Variants in FIP1L1 observed in about 807,000 individuals in gnomAD.
The protein encoded by FIP1L1 is factor interacting with PAPOLA and CPSF1, also known as pre-mRNA 3'-end-processing factor FIP1.
A neutral mutation model predicts 84.6 loss-of-function variants in FIP1L1; 21 were observed. The observed-to-expected ratio is 0.25, with a 90% CI of 0.18 to 0.36. The LOEUF is 0.36. Ranked by LOEUF, FIP1L1 falls within the 10% of genes least tolerant of loss-of-function variation. The probability of loss-of-function intolerance (pLI) is 1.00; values close to 1 mark genes in which losing one functional copy is unlikely to be tolerated. For synonymous variants in FIP1L1, 263 were observed against 242.3 expected (o/e 1.09, Z -0.80); for missense variants, 526 against 751.1 (o/e 0.70, Z 3.50).
At chr4:53,429,777 C>T (rs1765772582) in intron 13 of FIP1L1, among the ~76,000 whole-genome samples, 1 of 152,044 alleles carries the variant, frequency 6.6e-6, no homozygotes, top group African/African-American at 2.4e-5. Flanking sequence ...ATATATTCAT[C>T]ACCTCACATA....
intron 9 of FIP1L1, 22 bp from the exon 10 acceptor site, chr4:53,399,708 C>G: frequency 1.3e-6 from 2 of 1,508,416 alleles, no homozygotes; most frequent in Non-Finnish European, 1.8e-6. Flanking sequence ...ATTCAACAAG[C>G]TAATAACCTT....
At chr4:53,422,979 G>A (rs565028572) in intron 11 of FIP1L1, among the ~76,000 whole-genome samples, 2 of 152,228 alleles carry the variant, frequency 1.3e-5, no homozygotes, top group African/African-American at 4.8e-5. Context: ...GGCTCCCAAA[G>A]TGTTGGCATT....
intron 10 of FIP1L1, among the ~76,000 whole-genome samples, chr4:53,407,051 G>C (rs1341186512): frequency 1.3e-5 from 2 of 152,104 alleles, no homozygotes; most frequent in African/African-American, 4.8e-5. Context: ...CCTTCTGCTA[G>C]TTTTTGAATG....
intron 10 of FIP1L1, among the ~76,000 whole-genome samples, chr4:53,404,013 T>TTA (rs1354530418): frequency 1.3e-5 from 2 of 151,236 alleles, no homozygotes; most frequent in Non-Finnish European, 3.0e-5. Context: ...AAATGCACTT[T>TTA]TTTTTTTTTA....
intron 15 of FIP1L1, among the ~76,000 whole-genome samples, chr4:53,446,835 T>G (rs997470700): frequency 9.2e-5 from 14 of 152,188 alleles, no homozygotes; most frequent in African/African-American, 3.1e-4. Context: ...AATGCTAACT[T>G]GGTATTTAAC....
At position 53,460,645 on chromosome 4, in the gene FIP1L1, G is replaced by C. The variant is rs1334025255; in HGVS notation, c.*1196G>C. 3 of 352,962 alleles carry C rather than the reference G, an allele frequency of 8.5e-6. No individual in the cohort carries two copies. Among genetic ancestry groups the C allele is most frequent in the African/African-American group, 6.4e-5 (3 of 46,572 alleles). The allele number at this position is 352,962 out of a possible 1,614,324, so 21.9% of individuals were successfully genotyped here. ...ATACAAATCATTTTAGTTGTTTTAG[G>C]GCTTTTTATTGAATAGAAAAAATAT... On this transcript the variant is annotated 3_prime_UTR_variant, in exon 18 of 18. Coordinates refer to ENST00000337488, the MANE Select transcript of FIP1L1 (RefSeq NM_030917.4).
chr4:53,458,499 T>C, intron 16 of FIP1L1, 154 bp from the exon 17 acceptor site: 1 of 591,286 alleles, frequency 1.7e-6, no homozygotes, highest in Non-Finnish European at 2.8e-6. Flanking sequence ...TATTTTCCTC[T>C]CAATTCAACG....
intron 13 of FIP1L1, among the ~76,000 whole-genome samples, chr4:53,435,869 CCTGA>C (rs1249078799): frequency 1.3e-5 from 2 of 152,070 alleles, no homozygotes; most frequent in African/African-American, 4.8e-5. Context: ...TTTTTAAAAT[CCTGA>C]TACATAGAAA....
intron 4 of FIP1L1, among the ~76,000 whole-genome samples, chr4:53,383,214 A>C (rs1739031193): frequency 6.6e-6 from 1 of 152,200 alleles, no homozygotes; most frequent in South Asian, 2.1e-4. Context: ...TTAAAAAAAA[A>C]ATGAGGTGTT....
intron 13 of FIP1L1, among the ~76,000 whole-genome samples, chr4:53,430,887 C>T (rs1280409689): frequency 6.6e-6 from 1 of 152,168 alleles, no homozygotes; most frequent in Non-Finnish European, 1.5e-5. Context: ...AATTCTAATG[C>T]TGGTTTAAGC....
At chr4:53,394,784 A>G (rs1344365067) in intron 9 of FIP1L1, among the ~76,000 whole-genome samples, 3 of 151,836 alleles carry the variant, frequency 2.0e-5, no homozygotes, top group Admixed American at 6.5e-5. Context: ...TAATGTTTTC[A>G]TAAGTTCTTA....
intron 11 of FIP1L1, among the ~76,000 whole-genome samples, chr4:53,419,202 G>A (rs1351741272): frequency 1.3e-5 from 2 of 152,132 alleles, no homozygotes; most frequent in Admixed American, 1.3e-4. Flanking sequence ...TCCAGTGAGT[G>A]AAATTTGGGC....
chr4:53,384,441 C>A (rs1393178862), intron 5 of FIP1L1, among the ~76,000 whole-genome samples: 1 of 151,844 alleles, frequency 6.6e-6, no homozygotes, highest in Non-Finnish European at 1.5e-5. Flanking sequence ...ACTATAAATT[C>A]TTTGATTAGA....
At chr4:53,378,862 T>TA (rs58132961) in intron 1 of FIP1L1, 48,282 of 558,600 alleles carry the variant, frequency 0.086, 4,219 homozygotes, top group African/African-American at 0.31. Context: ...GATAAACTTG[T>TA]AAAAAAAAAT....
At chr4:53,410,156 T>TCATCGCA (rs1177275303) in intron 10 of FIP1L1, among the ~76,000 whole-genome samples, 1 of 152,224 alleles carries the variant, frequency 6.6e-6, no homozygotes, top group African/African-American at 2.4e-5. Flanking sequence ...AATCCACTTT[T>TCATCGCA]CATCGCACAT....
chr4:53,398,307 T>C (rs1054011543), intron 9 of FIP1L1, among the ~76,000 whole-genome samples: 4 of 152,202 alleles, frequency 2.6e-5, no homozygotes, highest in Non-Finnish European at 5.9e-5. Context: ...CATTTAAAAA[T>C]TTTTTTAAGT....
chr4:53,430,567 C>T (rs1340600426), intron 13 of FIP1L1, among the ~76,000 whole-genome samples: 3 of 151,846 alleles, frequency 2.0e-5, no homozygotes, highest in Admixed American at 6.6e-5. Flanking sequence ...GAACTCCTGA[C>T]CTCAAGCAAT....
Position 53,425,808 on chromosome 4 carries a change from G to A in FIP1L1, c.924-64G>A, listed in dbSNP as rs192794988. 1,148 of 1,179,292 alleles carry A rather than the reference G, an allele frequency of 9.7e-4. 1 individual carries two copies. The highest frequency in any genetic ancestry group is 1.6e-3 in the Admixed American group (78 of 48,956). 73.1% of individuals were successfully genotyped at this position (1,179,292 alleles called of 1,614,324 possible). A position where few individuals can be genotyped will look rare whatever the true frequency, so the allele number is the denominator to read the frequency against. The stretch of plus-strand genomic sequence containing the variant: ...ACACATTTTGTTTTTATTTCTCACT[G>A]CTTTTATTATTTTTTAAGCATCTAA... On this transcript the variant is annotated intron_variant, in intron 11 of 17. Transcript: ENST00000337488.
At chr4:53,391,363 G>T in intron 8 of FIP1L1, 67 bp from the exon 9 acceptor site, 1 of 1,378,956 alleles carries the variant, frequency 7.3e-7, no homozygotes, top group Non-Finnish European at 1.0e-6. Context: ...CAGCTAGTTT[G>T]TCTTTATATG....
Sources: allele counts gnomAD v4.1 joint callset (sites outside exome capture counted in the v4.1 genomes callset), GRCh38; gene constraint gnomAD v4.1.1; transcripts MANE v1.5; gene names NCBI Gene and HGNC (gene_info 2026-07-23, HGNC 2026-07-21).